Variants in PARD3 observed in about 807,000 individuals in gnomAD.
PARD3 encodes partitioning defective 3 homolog.
A neutral mutation model predicts 155.4 loss-of-function variants in PARD3; 75 were observed. The observed-to-expected ratio is 0.48, with a 90% CI of 0.40 to 0.58. The LOEUF (loss-of-function observed/expected upper bound fraction) is 0.58. Among genes scored for constraint, PARD3 ranks in the 20% least tolerant of loss-of-function variants. The pLI is 0.00. For missense variants in PARD3, 1,642 were observed against 1,721.7 expected (o/e 0.95, Z 0.82); for synonymous variants, 576 against 610.5 (o/e 0.94, Z 0.83).
At chr10:34,676,521 C>G (rs1471104355) in intron 2 of PARD3, among the ~76,000 whole-genome samples, 1 of 152,140 alleles carries the variant, frequency 6.6e-6, no homozygotes, top group African/African-American at 2.4e-5. Flanking sequence ...AAAAGTAATT[C>G]CATTTTACCT....
chr10:34,413,140 TATATACACACACAC>T (rs1020101784), intron 5 of PARD3, among the ~76,000 whole-genome samples: 2 of 113,794 alleles, frequency 1.8e-5, no homozygotes, highest in African/African-American at 6.4e-5. Flanking sequence ...ACTTCAGATA[TATATACACACACAC>T]ACACACACAC....
At chr10:34,668,472 T>C (rs1183351867) in intron 2 of PARD3, among the ~76,000 whole-genome samples, 3 of 152,060 alleles carry the variant, frequency 2.0e-5, no homozygotes, top group Admixed American at 6.6e-5. Context: ...TCCATGTGAG[T>C]AGCTTCAAGA....
intron 19 of PARD3, among the ~76,000 whole-genome samples, chr10:34,318,982 T>C (rs1434884919): frequency 6.6e-6 from 1 of 151,754 alleles, no homozygotes; most frequent in Non-Finnish European, 1.5e-5. Flanking sequence ...AGTTTCACTA[T>C]GTTGGCCAGG....
intron 1 of PARD3, among the ~76,000 whole-genome samples, chr10:34,796,059 C>T (rs1378662459): frequency 6.6e-6 from 1 of 152,172 alleles, no homozygotes; most frequent in African/African-American, 2.4e-5. Context: ...TAAATGGGTT[C>T]CAAACTGTGC....
At chr10:34,233,379 C>T (rs1242565689) in intron 22 of PARD3, among the ~76,000 whole-genome samples, 1 of 151,988 alleles carries the variant, frequency 6.6e-6, no homozygotes, top group Admixed American at 6.6e-5. Flanking sequence ...ACAGGAGATT[C>T]CCAAGGGCTC....
At chr10:34,229,584 C>T (rs959093959) in intron 22 of PARD3, among the ~76,000 whole-genome samples, 4 of 151,808 alleles carry the variant, frequency 2.6e-5, no homozygotes, top group African/African-American at 9.7e-5. Context: ...AACTGTTATG[C>T]CTAAATATGC....
At chr10:34,355,939 A>C (rs865960077) in intron 14 of PARD3, among the ~76,000 whole-genome samples, 10 of 133,724 alleles carry the variant, frequency 7.5e-5, no homozygotes, top group African/African-American at 3.4e-4. Flanking sequence ...AAAAAAAAAA[A>C]AAAAAAACAA....
intron 20 of PARD3, among the ~76,000 whole-genome samples, chr10:34,303,139 A>T (rs569873795): frequency 5.4e-4 from 80 of 148,384 alleles, no homozygotes; most frequent in Middle Eastern, 3.5e-3. Context: ...AAACCCTCAG[A>T]ATTTATTTTA....
At chr10:34,149,928 G>T (rs778707026) in intron 22 of PARD3, among the ~76,000 whole-genome samples, 6 of 152,080 alleles carry the variant, frequency 3.9e-5, no homozygotes, top group Non-Finnish European at 8.8e-5. Context: ...TATCAATTTT[G>T]TAATGTTCTT....
At position 34,111,195 on chromosome 10, in the gene PARD3, C is replaced by A; in HGVS notation, c.4036G>T (p.Glu1346Ter). The A allele has an allele frequency of 6.4e-7, 1 of 1,566,996 alleles. No homozygotes were observed. The highest frequency in any genetic ancestry group is 1.4e-5 in the African/African-American group (1 of 73,086). ...CAGGAATAGAAGGGCCTCCCTTTCT[C>A]AGGAGTCTGAAGTCTGTTCAGCCTC... ...VARLNRLQTP[E>*]KGRPFYS The change falls in exon 25 of 25, where the codon GAG (glutamate) becomes TAG (stop). Residue 1346 changes from glutamate (E) to a stop codon, truncating the protein, a stop_gained. Coordinates refer to ENST00000374788, the MANE Select transcript of PARD3 (RefSeq NM_001184785.2). LOFTEE classifies it high-confidence loss of function.
At chr10:34,787,407 CAG>C (rs1301535706) in intron 1 of PARD3, among the ~76,000 whole-genome samples, 1 of 152,092 alleles carries the variant, frequency 6.6e-6, no homozygotes, top group African/African-American at 2.4e-5. Context: ...TCCAAAATGG[CAG>C]AGTCTTAAGG....
At chr10:34,425,440 G>C (rs1162777322) in intron 5 of PARD3, among the ~76,000 whole-genome samples, 32 of 152,106 alleles carry the variant, frequency 2.1e-4, no homozygotes, top group Non-Finnish European at 2.9e-5. Context: ...TTTGGAGATA[G>C]GGTCTCGCTC....
chr10:34,336,155 TG>T, intron 18 of PARD3, 43 bp downstream of exon 18: 1 of 1,427,206 alleles, frequency 7.0e-7, no homozygotes, highest in Non-Finnish European at 9.9e-7. Context: ...ATAAGCTATG[TG>T]GGCCATCGTT....
At chr10:34,527,567 A>C (rs1303148897) in intron 2 of PARD3, among the ~76,000 whole-genome samples, 1 of 152,224 alleles carries the variant, frequency 6.6e-6, no homozygotes, top group African/African-American at 2.4e-5. Flanking sequence ...TTGCTGCTTA[A>C]CAGTGATTTA....
rs780923158 is a variant in PARD3, at chr10:34,331,339, G to C, written c.2611C>G (p.Pro871Ala). 3 of 1,608,750 alleles carry C rather than the reference G, an allele frequency of 1.9e-6. No homozygotes were observed. The highest frequency in any genetic ancestry group is 2.6e-6 in the Non-Finnish European group (3 of 1,175,396). Residue 871 changes from proline to alanine, a missense_variant, in exon 19 of 25, where the codon CCC becomes GCC. Physicochemically the swap from Pro to Ala is conservative, Grantham distance 27. Transcript: ENST00000374788. ...AGGGAAGGACCCACATCTCTGCTGG[G>C]AGAACCTGGGAGGTTTACAAGAAAA... Reference protein sequence around the residue: ...NTVDDQKAGSPSRDVGPSLGL... With the variant: ...NTVDDQKAGSASRDVGPSLGL...
chr10:34,162,956 C>A (rs1949355193), intron 22 of PARD3, among the ~76,000 whole-genome samples: 1 of 152,100 alleles, frequency 6.6e-6, no homozygotes, highest in Admixed American at 6.6e-5. Context: ...AATTTCAGGG[C>A]TGGACATGGT....
intron 1 of PARD3, among the ~76,000 whole-genome samples, chr10:34,742,618 C>G (rs887470922): frequency 9.2e-5 from 14 of 152,214 alleles, no homozygotes; most frequent in Non-Finnish European, 1.3e-4. Context: ...CATAGATGAT[C>G]TAATGAATCA....
intron 2 of PARD3, among the ~76,000 whole-genome samples, chr10:34,644,271 A>C (rs955869477): frequency 2.0e-5 from 3 of 152,200 alleles, no homozygotes; most frequent in African/African-American, 7.2e-5. Flanking sequence ...AACTGATAAA[A>C]CATAGAGAGG....
chr10:34,606,369 C>G (rs1365049488), intron 2 of PARD3, among the ~76,000 whole-genome samples: 1 of 151,694 alleles, frequency 6.6e-6, no homozygotes, highest in Non-Finnish European at 1.5e-5. Flanking sequence ...AGGCTGGAGG[C>G]AAGTGGAAAA....
Sources: gnomAD v4.1 joint callset for allele counts (sites outside exome capture counted in the v4.1 genomes callset) on GRCh38, gnomAD v4.1.1 for gene constraint, MANE v1.5 for transcripts, NCBI Gene and HGNC (gene_info 2026-07-23, HGNC 2026-07-21) for gene names.